CYB5D2: variants seen among roughly 807,000 people sequenced by gnomAD.
The protein encoded by CYB5D2 is neuferricin.
In CYB5D2, 23 loss-of-function variants were observed where a neutral mutation model predicts 22.8. The ratio of observed to expected loss-of-function variants is 1.01; its 90% CI spans 0.73 to 1.43. The LOEUF (loss-of-function observed/expected upper bound fraction) is 1.43. CYB5D2 is among the 40% of genes most tolerant of loss of function. The pLI is 0.00. For synonymous variants in CYB5D2, 170 were observed against 152.2 expected (o/e 1.12, Z -0.86); for missense variants, 373 against 357.2 (o/e 1.04, Z -0.36).
At chr17:4,144,449 A>G (rs1481812531) in intron 1 of CYB5D2, among the ~76,000 whole-genome samples, 1 of 151,842 alleles carries the variant, frequency 6.6e-6, no homozygotes, top group African/African-American at 2.4e-5. Flanking sequence ...CCCTAAGCAT[A>G]GTGTTTTCAA....
intron 1 of CYB5D2, among the ~76,000 whole-genome samples, chr17:4,147,498 G>A (rs2059005372): frequency 1.3e-5 from 2 of 152,208 alleles, no homozygotes; most frequent in South Asian, 4.1e-4. Context: ...AAGTACTGGT[G>A]TTACCAGAGG....
rs767325147 is a variant in CYB5D2 at position 4,157,068 on chromosome 17, T to C, written c.781T>C (p.Ser261Pro). 3.7e-6 allele frequency: 6 copies of C among 1,612,322 alleles called. No homozygotes were observed. In the Admixed American group the frequency reaches 1.0e-4, roughly 27 times the overall value. ...CTGCCCACCGCTAGCCATCACATGC[T>C]CCTTTCCACTCTAAGCCGTAGCCTC... ...TGCPPLAITCSFPL is the reference protein window; with the variant it reads ...TGCPPLAITCPFPL Residue 261 changes from serine to proline, a missense_variant, in exon 4 of 4, where the codon TCC (serine) becomes CCC (proline). Transcript: ENST00000301391. This position sits in a 1 kb window ranked among gnomAD's most constrained non-coding sequence, Gnocchi z 4.4.
intron 3 of CYB5D2, among the ~76,000 whole-genome samples, 153 bp from the exon 4 acceptor site, chr17:4,156,713 G>C (rs1255858338): frequency 6.6e-6 from 1 of 152,218 alleles, no homozygotes; most frequent in Non-Finnish European, 1.5e-5. Context: ...GAGCATGAAG[G>C]CTCAGGGGCT....
chr17:4,144,777 G>A (rs2058964105), intron 1 of CYB5D2, among the ~76,000 whole-genome samples: 1 of 152,010 alleles, frequency 6.6e-6, no homozygotes, highest in Non-Finnish European at 1.5e-5. Context: ...ATATGGACTC[G>A]GACCACCAGT....
chr17:4,145,613 T>A lies in CYB5D2; in HGVS notation c.250+1608T>A, dbSNP rs183821127. 2.2e-4 allele frequency among the ~76,000 whole-genome samples: 33 copies of A among 152,322 alleles called. No individual in the cohort carries two copies. The East Asian group carries it at 6.2e-3, about 28-fold the overall frequency. On this transcript the variant is annotated intron_variant, in intron 1 of 3. Transcript: ENST00000301391. Reference sequence around the variant, plus strand: ...CGTGTTCTGGTATTCATTGACCATCTTTATTTACCACTACCTACCTTGTGT... The same window carrying A: ...CGTGTTCTGGTATTCATTGACCATCATTATTTACCACTACCTACCTTGTGT...
chr17:4,154,191 C>A (rs1027856470), intron 2 of CYB5D2, among the ~76,000 whole-genome samples: 1 of 152,184 alleles, frequency 6.6e-6, no homozygotes, highest in East Asian at 1.9e-4. Context: ...TACACCTGTA[C>A]CCCCATCTAC....
In CYB5D2 at chr17:4,143,638, CGCGCGAGAGAGA is replaced by C; in HGVS notation, c.-116_-105del. 1 of 1,410,432 alleles carries C rather than the reference CGCGCGAGAGAGA, an allele frequency of 7.1e-7. No homozygotes were observed. The highest frequency in any genetic ancestry group is 9.6e-7 in the Non-Finnish European group (1 of 1,045,852). The allele number at this position is 1,410,432 out of a possible 1,614,324, so 87.4% of individuals were successfully genotyped here. A position where few individuals can be genotyped will look rare whatever the true frequency, so the allele number is the denominator to read the frequency against. On this transcript the variant is annotated 5_prime_UTR_variant, in exon 1 of 4. Coordinates refer to ENST00000301391, the MANE Select transcript of CYB5D2 (RefSeq NM_144611.4). ...CTAAGGGAGGGAGCGCGAGCACTAG[CGCGCGAGAGAGA>C]GAGCGAGAGCGCGCGCGCCGATGAC...
intron 2 of CYB5D2, among the ~76,000 whole-genome samples, chr17:4,151,768 G>T (rs1368367249): frequency 6.6e-6 from 1 of 152,052 alleles, no homozygotes; most frequent in Non-Finnish European, 1.5e-5. Flanking sequence ...ACTTTGGGAG[G>T]CTGAGGTGGT....
chr17:4,156,864 A>T lies in CYB5D2; in HGVS notation c.579-2A>T, dbSNP rs1350675058. 1 of 1,612,530 alleles carries T rather than the reference A, an allele frequency of 6.2e-7. No homozygotes were observed. The highest frequency in any genetic ancestry group is 8.5e-7 in the Non-Finnish European group (1 of 1,179,954). On this transcript the variant is annotated splice_acceptor_variant, in intron 3 of 3. Transcript: ENST00000301391. LOFTEE classifies it high-confidence loss of function. Reference sequence around the variant, plus strand: ...AGAAGTCCTCTTTCCGTCTATCCTTAGTGGAGGTGTGAGCAGAGACTGGAT... The same window carrying T: ...AGAAGTCCTCTTTCCGTCTATCCTTTGTGGAGGTGTGAGCAGAGACTGGAT...
intron 1 of CYB5D2, 46 bp from the exon 2 acceptor site, chr17:4,149,845 T>C (rs1170934261): frequency 6.3e-7 from 1 of 1,580,236 alleles, no homozygotes; most frequent in Non-Finnish European, 8.6e-7. Context: ...GTGGGGATGG[T>C]GTCAGTGGTT....
chr17:4,153,389 C>T (rs1470731692), intron 2 of CYB5D2, among the ~76,000 whole-genome samples: 1 of 151,830 alleles, frequency 6.6e-6, no homozygotes, highest in Non-Finnish European at 1.5e-5. Flanking sequence ...GTGCTGGAGC[C>T]CCCCGTGAAC....
At chr17:4,148,951 CTTT>C (rs10541299) in intron 1 of CYB5D2, among the ~76,000 whole-genome samples, 9 of 146,276 alleles carry the variant, frequency 6.2e-5, no homozygotes, top group Admixed American at 1.4e-4. Context: ...TCAATGTGGA[CTTT>C]TTTTTTTTTT....
chr17:4,150,836 A>G (rs1213220013), intron 2 of CYB5D2: 2 of 152,390 alleles, frequency 1.3e-5, no homozygotes, highest in South Asian at 2.1e-4. Flanking sequence ...CAGTGACCTG[A>G]GATTGCGCTA....
chr17:4,156,963 C>G lies in CYB5D2; in HGVS notation c.676C>G (p.Pro226Ala), dbSNP rs750306451. 26 of 1,612,744 alleles carry G rather than the reference C, an allele frequency of 1.6e-5. No individual in the cohort carries two copies. The highest frequency in any genetic ancestry group is 2.0e-4 in the Middle Eastern group (1 of 4,966). The stretch of plus-strand genomic sequence containing the variant: ...CGTGTGTGTGAGAACCACCGGCCCC[C>G]CTAGTGGCCAGATGCCGGACAACCC... The part of the protein sequence containing the change: ...RCVCVRTTGP[P>A]SGQMPDNPPH... Residue 226 changes from proline to alanine, a missense_variant, in exon 4 of 4, where the codon CCT (proline) becomes GCT (alanine). Transcript: ENST00000301391.
chr17:4,149,409 A>G (rs1317138246), intron 1 of CYB5D2, among the ~76,000 whole-genome samples: 2 of 152,252 alleles, frequency 1.3e-5, no homozygotes, highest in Non-Finnish European at 2.9e-5. Flanking sequence ...AATGCCAAAG[A>G]GATGTGTGTC....
chr17:4,146,691 G>A (rs924893073), intron 1 of CYB5D2, among the ~76,000 whole-genome samples: 5 of 144,024 alleles, frequency 3.5e-5, no homozygotes, highest in Admixed American at 1.4e-4. Context: ...CGCCTGGCCC[G>A]GTGGGTTTTT....
Position 4,143,497 on chromosome 17 carries a change from GC to G in CYB5D2, c.-257del. On this transcript the variant is annotated 5_prime_UTR_variant, in exon 1 of 4. Transcript: ENST00000301391. ...GCCGAGATTCCGCCAGTGCACTCCAGCCTGGACAACAAGAGCTAAAACTCTG... is the reference window on the plus strand; with the variant it reads ...GCCGAGATTCCGCCAGTGCACTCCAGCTGGACAACAAGAGCTAAAACTCTG... 1 of 358,226 alleles carries G rather than the reference GC, an allele frequency of 2.8e-6. No individual in the cohort carries two copies. The highest frequency in any genetic ancestry group is 5.0e-6 in the Non-Finnish European group (1 of 199,464). 22.2% of individuals were successfully genotyped at this position (358,226 alleles called of 1,614,324 possible).
Position 4,143,679 on chromosome 17 carries a change from A to T in CYB5D2, c.-77A>T. On this transcript the variant is annotated 5_prime_UTR_variant, in exon 1 of 4. Transcript: ENST00000301391. Reference sequence around the variant, plus strand: ...CGAGAGCGCGCGCGCCGATGACGTCACGCTCGGCGTCTCGGCCATCTTAGC... The same window carrying T: ...CGAGAGCGCGCGCGCCGATGACGTCTCGCTCGGCGTCTCGGCCATCTTAGC... 6.6e-7 allele frequency: 1 copy of T among 1,520,062 alleles called. No homozygotes were observed. Among genetic ancestry groups the T allele is most frequent in the Non-Finnish European group, 8.8e-7 (1 of 1,133,760 alleles). The allele number at this position is 1,520,062 out of a possible 1,614,324, so 94.2% of individuals were successfully genotyped here. A position where few individuals can be genotyped will look rare whatever the true frequency, so the allele number is the denominator to read the frequency against.
At chr17:4,148,433 C>G (rs1422805543) in intron 1 of CYB5D2, among the ~76,000 whole-genome samples, 1 of 150,326 alleles carries the variant, frequency 6.7e-6, no homozygotes, top group Non-Finnish European at 1.5e-5. Flanking sequence ...AGGAGAATGG[C>G]TTGAACCCGG....
Sources: gnomAD v4.1 joint callset for allele counts (sites outside exome capture counted in the v4.1 genomes callset) on GRCh38, gnomAD v4.1.1 for gene constraint, Gnocchi (gnomAD v3.1) non-coding constraint, MANE v1.5 for transcripts, NCBI Gene and HGNC (gene_info 2026-07-23, HGNC 2026-07-21) for gene names.